SLC60A1: variants seen among roughly 807,000 people sequenced by gnomAD.
The protein encoded by SLC60A1 is major facilitator superfamily domain containing 4.
At chr1:205,578,799 C>T in the SLC60A1 span, among the ~76,000 whole-genome samples, 4 of 152,172 alleles carry the variant, frequency 2.6e-5, no homozygotes, top group African/African-American at 7.2e-5. Flanking sequence ...GTGGGGGGCT[C>T]TCTCCCTTTT....
chr1:205,584,057 T>C, the SLC60A1 span: 1 of 1,614,068 alleles, frequency 6.2e-7, no homozygotes, highest in South Asian at 1.1e-5. Context: ...TGAGCTTGCC[T>C]TGGAGACACA....
the SLC60A1 span, chr1:205,579,981 GC>G: frequency 6.3e-7 from 1 of 1,597,316 alleles, no homozygotes; most frequent in East Asian, 2.3e-5. Flanking sequence ...AGGGCTGGGA[GC>G]TGGGGAGGGC....
the SLC60A1 span, chr1:205,569,364 C>T: frequency 1.7e-6 from 2 of 1,205,338 alleles, no homozygotes; most frequent in African/African-American, 3.2e-5. Context: ...CGGGCCGACC[C>T]TTCCCTCCCG....
chr1:205,574,374 G>A, the SLC60A1 span, among the ~76,000 whole-genome samples: 21 of 152,062 alleles, frequency 1.4e-4, no homozygotes, highest in South Asian at 1.0e-3. Flanking sequence ...GAGCCTGGAG[G>A]TTGAGGCTGT....
the SLC60A1 span, chr1:205,592,098 G>C: frequency 4.3e-6 from 7 of 1,611,130 alleles, no homozygotes; most frequent in Non-Finnish European, 5.9e-6. Flanking sequence ...CCGATGCTCA[G>C]CTTTTCGCAA....
chr1:205,574,351 G>T, the SLC60A1 span, among the ~76,000 whole-genome samples: 2 of 151,974 alleles, frequency 1.3e-5, no homozygotes, highest in African/African-American at 4.8e-5. Context: ...AGGCAGAAGT[G>T]GGAGGGTCAC....
chr1:205,596,136 T>C, the SLC60A1 span, among the ~76,000 whole-genome samples: 3 of 152,176 alleles, frequency 2.0e-5, no homozygotes, highest in South Asian at 6.2e-4. Context: ...ACAACCATTT[T>C]ATTAAAAAAA....
chr1:205,597,678 G>A, the SLC60A1 span: 27 of 1,239,474 alleles, frequency 2.2e-5, no homozygotes, highest in East Asian at 7.1e-5. Context: ...TGTGCCTTCC[G>A]AAATGCATAT....
At chr1:205,600,897 C>G in the SLC60A1 span, 1 of 156,106 alleles carries the variant, frequency 6.4e-6, no homozygotes, top group African/African-American at 2.4e-5. Context: ...CAAGTTATTC[C>G]CTGGCATGCT....
chr1:205,571,460 C>T, the SLC60A1 span, among the ~76,000 whole-genome samples: 6 of 152,086 alleles, frequency 3.9e-5, no homozygotes, highest in Admixed American at 2.0e-4. Flanking sequence ...TAATGGTGGC[C>T]CTCTGGGGCT....
the SLC60A1 span, among the ~76,000 whole-genome samples, chr1:205,591,503 G>T: frequency 7.5e-5 from 5 of 66,598 alleles, no homozygotes; most frequent in Admixed American, 5.9e-4. Context: ...AAAAAAAAAA[G>T]GAAAGAAAAG....
the SLC60A1 span, among the ~76,000 whole-genome samples, chr1:205,588,652 T>G: frequency 1.3e-5 from 2 of 152,230 alleles, no homozygotes; most frequent in South Asian, 2.1e-4. Flanking sequence ...GCCTCTCCTG[T>G]GTAGATGTGA....
At chr1:205,577,994 C>T in the SLC60A1 span, among the ~76,000 whole-genome samples, 1 of 152,246 alleles carries the variant, frequency 6.6e-6, no homozygotes, top group Non-Finnish European at 1.5e-5. This position sits in a 1 kb window ranked among gnomAD's most constrained non-coding sequence, Gnocchi z 5.2. Context: ...TCCCATACCT[C>T]TGCGCAGCCC....
the SLC60A1 span, among the ~76,000 whole-genome samples, chr1:205,584,337 T>C: frequency 6.6e-6 from 1 of 151,376 alleles, no homozygotes; most frequent in African/African-American, 2.4e-5. Flanking sequence ...TTCTCCTGTC[T>C]CAGCCTCCCA....
the SLC60A1 span, among the ~76,000 whole-genome samples, chr1:205,569,851 G>T: frequency 6.6e-6 from 1 of 152,120 alleles, no homozygotes; most frequent in Non-Finnish European, 1.5e-5. Context: ...GCTAACACAG[G>T]CTGTCCCTTC....
chr1:205,600,292 A>T, the SLC60A1 span: 1 of 1,111,592 alleles, frequency 9.0e-7, no homozygotes, highest in Non-Finnish European at 1.3e-6. Context: ...TGCTCCCTCT[A>T]GAGCCACAGA....
the SLC60A1 span, chr1:205,599,368 A>G: frequency 4.7e-6 from 6 of 1,271,800 alleles, no homozygotes; most frequent in East Asian, 1.2e-4. Context: ...TGTTCCAAGT[A>G]AAATGCAAGG....
the SLC60A1 span, among the ~76,000 whole-genome samples, chr1:205,578,714 CAGAG>C: frequency 6.6e-6 from 1 of 151,982 alleles, no homozygotes; most frequent in Non-Finnish European, 1.5e-5. Flanking sequence ...GTGTGAAACT[CAGAG>C]AGGCCTTTCC....
At chr1:205,580,046 C>G in the SLC60A1 span, 1 of 1,307,324 alleles carries the variant, frequency 7.6e-7, no homozygotes, top group Non-Finnish European at 1.0e-6. This position sits in a 1 kb window ranked among gnomAD's most constrained non-coding sequence, Gnocchi z 5.0. Flanking sequence ...CCCAGGGGCC[C>G]ACTTACCAGC....
Sources: allele counts gnomAD v4.1 joint callset (sites outside exome capture counted in the v4.1 genomes callset), GRCh38; gene constraint gnomAD v4.1.1; non-coding constraint Gnocchi (gnomAD v3.1); transcripts MANE v1.5; gene names NCBI Gene and HGNC (gene_info 2026-07-23, HGNC 2026-07-21).